The following RUNDC3B variants were observed in gnomAD, a reference collection of about 807,000 sequenced individuals.
RUNDC3B encodes the protein RUN domain containing 3B.
A neutral mutation model predicts 58.4 loss-of-function variants in RUNDC3B; 33 were observed. That is an observed-to-expected ratio of 0.56 (90% CI 0.43 to 0.75). The LOEUF (loss-of-function observed/expected upper bound fraction) is 0.75, where lower values mean the gene tolerates loss of function less well. RUNDC3B is among the 30% of genes least tolerant of loss of function. RUNDC3B has a pLI of 0.00. For missense variants in RUNDC3B, 501 were observed against 535.7 expected, an observed-to-expected ratio of 0.94 and a Z score of 0.64; for synonymous variants, 193 against 195.2, an observed-to-expected ratio of 0.99 and a Z score of 0.10.
chr7:87,807,402 C>T lies in RUNDC3B; in HGVS notation c.986C>T (p.Ser329Leu), dbSNP rs1459500403. The change falls in exon 9 of 11, where the codon TCG becomes TTG. Residue 329 changes from serine to leucine, a missense_variant. Transcript: ENST00000394654. ...GTGCTAAAGAATAATGATTTAAGAT[C>T]GAGACAAGAGTTAACTGCCCATCTC... ...LTVLKNNDLRSRQELTAHLTN... is the reference protein window; with the variant it reads ...LTVLKNNDLRLRQELTAHLTN... The T allele has an allele frequency of 6.2e-7, 1 of 1,613,680 alleles. No homozygotes were observed.
chr7:87,722,958 G>C (rs552185772), intron 4 of RUNDC3B, among the ~76,000 whole-genome samples: 1 of 152,086 alleles, frequency 6.6e-6, no homozygotes. Flanking sequence ...TACACTGCAA[G>C]CTTTTCTCAA....
chr7:87,742,262 G>A (rs953991794), intron 6 of RUNDC3B, among the ~76,000 whole-genome samples: 3 of 152,068 alleles, frequency 2.0e-5, no homozygotes, highest in African/African-American at 4.8e-5. Flanking sequence ...GATTACATGA[G>A]TAAGTTCTTC....
chr7:87,717,024 C>T lies in RUNDC3B; in HGVS notation c.458+6369C>T, dbSNP rs117277383. 7.0e-3 allele frequency among the ~76,000 whole-genome samples: 1,060 copies of T among 152,226 alleles called. 9 individuals are homozygous for T. The highest frequency in any genetic ancestry group is 0.049 in the East Asian group (254 of 5,186). On this transcript the variant is annotated intron_variant, in intron 4 of 10. Transcript: ENST00000394654. The stretch of plus-strand genomic sequence containing the variant: ...ATGTTGCCCAGGGCAGTTTGTAACT[C>T]CTGTGCTCAAGTATCCTCTTGCCTC...
At chr7:87,725,485 T>C (rs1489315311) in intron 4 of RUNDC3B, among the ~76,000 whole-genome samples, 1 of 152,242 alleles carries the variant, frequency 6.6e-6, no homozygotes, top group East Asian at 1.9e-4. Context: ...TAATCCAGTC[T>C]ATCATTGTTG....
chr7:87,782,813 C>T (rs946363850), intron 8 of RUNDC3B, among the ~76,000 whole-genome samples: 4 of 152,082 alleles, frequency 2.6e-5, no homozygotes, highest in African/African-American at 7.2e-5. Context: ...TTTTCTTCCA[C>T]TGTGGTCCAC....
At chr7:87,800,726 C>G (rs1836102236) in intron 8 of RUNDC3B, among the ~76,000 whole-genome samples, 1 of 151,432 alleles carries the variant, frequency 6.6e-6, no homozygotes, top group Admixed American at 6.6e-5. Flanking sequence ...CAGCTCACTG[C>G]AGCCTTGACC....
intron 2 of RUNDC3B, among the ~76,000 whole-genome samples, chr7:87,656,295 G>A (rs1184675733): frequency 6.6e-6 from 1 of 151,772 alleles, no homozygotes; most frequent in Non-Finnish European, 1.5e-5. Flanking sequence ...AATTAATACA[G>A]TTATAAGTTT....
chr7:87,726,247 C>A (rs947795443), intron 4 of RUNDC3B, among the ~76,000 whole-genome samples: 1 of 152,132 alleles, frequency 6.6e-6, no homozygotes, highest in Non-Finnish European at 1.5e-5. Flanking sequence ...AGTCTTTAAT[C>A]CATCTTGAAT....
At chr7:87,802,759 C>A (rs940820284) in intron 8 of RUNDC3B, among the ~76,000 whole-genome samples, 1 of 152,106 alleles carries the variant, frequency 6.6e-6, no homozygotes, top group Admixed American at 6.5e-5. Flanking sequence ...AATCCCAGCA[C>A]TTTAGGAGGC....
chr7:87,645,832 G>C (rs58448193), intron 1 of RUNDC3B, among the ~76,000 whole-genome samples: 4,724 of 152,074 alleles, frequency 0.031, 73 homozygotes, highest in Middle Eastern at 0.048. Flanking sequence ...GGGAAGAATC[G>C]GTTAGCTGAA....
At chr7:87,704,291 C>T (rs577649005) in intron 3 of RUNDC3B, among the ~76,000 whole-genome samples, 9 of 152,106 alleles carry the variant, frequency 5.9e-5, no homozygotes, top group African/African-American at 2.2e-4. Flanking sequence ...AAGGTTTAGG[C>T]TAAGGTTAAA....
chr7:87,800,882 C>G (rs1185118724), intron 8 of RUNDC3B, among the ~76,000 whole-genome samples: 1 of 152,102 alleles, frequency 6.6e-6, no homozygotes, highest in African/African-American at 2.4e-5. Flanking sequence ...CTTCTGGGCT[C>G]AAGTGATCCT....
At chr7:87,773,023 TA>T (rs901237820) in intron 7 of RUNDC3B, among the ~76,000 whole-genome samples, 1 of 150,766 alleles carries the variant, frequency 6.6e-6, no homozygotes, top group Non-Finnish European at 1.5e-5. Context: ...TTGCTTTTTT[TA>T]AAAAGTAAGC....
At position 87,734,011 on chromosome 7, in the gene RUNDC3B, G is replaced by C. The variant is rs75764177; in HGVS notation, c.459-5780G>C. 6.8e-3 allele frequency among the ~76,000 whole-genome samples: 1,039 copies of C among 152,258 alleles called. 10 individuals carry two copies. Among genetic ancestry groups the C allele is most frequent in the Middle Eastern group, 0.034 (10 of 294 alleles). The stretch of plus-strand genomic sequence containing the variant: ...AATCTGAATAGACACTTCTCCAAGG[G>C]GGGTATACAGATGGCTAATAAACAC... On this transcript the variant is annotated intron_variant, in intron 4 of 10. Transcript: ENST00000394654.
intron 5 of RUNDC3B, among the ~76,000 whole-genome samples, chr7:87,741,232 A>G (rs1296719172): frequency 6.6e-6 from 1 of 151,994 alleles, no homozygotes; most frequent in African/African-American, 2.4e-5. Context: ...AAAACAAACA[A>G]AAAAACTGGG....
intron 6 of RUNDC3B, among the ~76,000 whole-genome samples, chr7:87,748,504 A>G (rs1022066992): frequency 6.6e-6 from 1 of 152,182 alleles, no homozygotes; most frequent in African/African-American, 2.4e-5. Context: ...TCTGTCCTCC[A>G]TGATGATCTA....
intron 6 of RUNDC3B, among the ~76,000 whole-genome samples, chr7:87,756,727 A>G (rs1185899844): frequency 1.3e-5 from 2 of 152,234 alleles, no homozygotes; most frequent in East Asian, 1.9e-4. Flanking sequence ...CTGACAAATA[A>G]TGTTGTGCCA....
rs115846420 is a variant in RUNDC3B, at chr7:87,676,419, G to A, written c.239-24002G>A. 2.9e-3 allele frequency among the ~76,000 whole-genome samples: 445 copies of A among 151,936 alleles called. 3 individuals carry two copies. The highest frequency in any genetic ancestry group is 0.01 in the African/African-American group (421 of 41,430). ...AACAACATTAAAAAATGGGCAAAGAGGCCAGGCGCAGTGGCTCACACCTAT... is the reference window on the plus strand; with the variant it reads ...AACAACATTAAAAAATGGGCAAAGAAGCCAGGCGCAGTGGCTCACACCTAT... On this transcript the variant is annotated intron_variant, in intron 2 of 10. Transcript: ENST00000394654.
At chr7:87,747,385 G>T (rs542120657) in intron 6 of RUNDC3B, among the ~76,000 whole-genome samples, 1 of 152,264 alleles carries the variant, frequency 6.6e-6, no homozygotes, top group Non-Finnish European at 1.5e-5. Flanking sequence ...GTAGCAGGGG[G>T]GTGAGGGGTT....
Sources: gnomAD v4.1 joint callset for allele counts (sites outside exome capture counted in the v4.1 genomes callset) on GRCh38, gnomAD v4.1.1 for gene constraint, MANE v1.5 for transcripts, NCBI Gene and HGNC (gene_info 2026-07-23, HGNC 2026-07-21) for gene names.